TMEM164: variants seen among roughly 807,000 people sequenced by gnomAD.
TMEM164 encodes the protein RP13-360B22.2.
TMEM164 carries 4 observed loss-of-function variants against 18.8 expected under a neutral mutation model. That is an observed-to-expected ratio of 0.21 (90% confidence interval 0.10 to 0.49). The LOEUF is 0.49. Ranked by LOEUF, TMEM164 falls within the 20% of genes least tolerant of loss-of-function variation. TMEM164 has a pLI of 0.98. For missense variants in TMEM164, 108 were observed against 239.9 expected, an observed-to-expected ratio of 0.45 and a Z score of 3.63; for synonymous variants, 86 against 101.7, an observed-to-expected ratio of 0.85 and a Z score of 0.93.
intron 2 of TMEM164, among the ~76,000 whole-genome samples, chrX:110,040,995 A>T (rs1404694799): frequency 8.9e-6 from 1 of 112,072 alleles, no homozygotes; most frequent in Non-Finnish European, 1.9e-5. Context: ...CTCATAAATA[A>T]GTAACAAACA....
intron 2 of TMEM164, among the ~76,000 whole-genome samples, chrX:110,034,602 G>T (rs1934682070): frequency 9.0e-6 from 1 of 111,652 alleles, no homozygotes; most frequent in Non-Finnish European, 1.9e-5. Flanking sequence ...GCGGGTTATT[G>T]TTTGCTGAAC....
At chrX:110,179,540 C>G (rs1382317477), downstream of TMEM164, among the ~76,000 whole-genome samples, 1 of 112,323 alleles carries the variant, frequency 8.9e-6, no homozygotes, top group African/African-American at 3.2e-5. Flanking sequence ...CGCCATTTCC[C>G]AGGTCCTTGC....
At chrX:110,089,720 T>TA (rs780799908) in intron 3 of TMEM164, among the ~76,000 whole-genome samples, 1 of 112,036 alleles carries the variant, frequency 8.9e-6, no homozygotes, top group Non-Finnish European at 1.9e-5. Context: ...ACAGTGGAAT[T>TA]AGAGTTATAG....
At chrX:110,094,776 A>G (rs1409705346) in intron 3 of TMEM164, among the ~76,000 whole-genome samples, 1 of 112,071 alleles carries the variant, frequency 8.9e-6, no homozygotes, top group African/African-American at 3.2e-5. Context: ...CCTAGCATCA[A>G]AGGTCTTTAC....
rs1274463791 is a variant in TMEM164 at position 110,173,863 on chromosome X, C to T, written c.*412C>T. Reference sequence around the variant, plus strand: ...GTTTCATTTCTCCACTGCCAGGGACCTCCAGGCTTATGCTGGCGTCCCATT... The same window carrying T: ...GTTTCATTTCTCCACTGCCAGGGACTTCCAGGCTTATGCTGGCGTCCCATT... On this transcript the variant is annotated 3_prime_UTR_variant, in exon 7 of 7. Coordinates refer to ENST00000372068, the MANE Select transcript of TMEM164 (RefSeq NM_032227.4). The T allele has an allele frequency of 6.6e-6, 1 of 151,005 alleles. No homozygotes were observed. The highest frequency in any genetic ancestry group is 7.8e-5 in the Admixed American group (1 of 12,762). 12.4% of individuals were successfully genotyped at this position (151,005 alleles called of 1,213,427 possible).
chrX:110,073,783 G>A (rs1286219393), intron 3 of TMEM164, among the ~76,000 whole-genome samples: 1 of 111,753 alleles, frequency 8.9e-6, no homozygotes, highest in Middle Eastern at 4.2e-3. Context: ...CAGTATATAT[G>A]CATTCCTTTT....
intron 3 of TMEM164, among the ~76,000 whole-genome samples, chrX:110,072,393 C>T (rs988097559): frequency 9.1e-6 from 1 of 110,166 alleles, no homozygotes; most frequent in African/African-American, 3.3e-5. Context: ...ATGGGTAAAC[C>T]CTTAATCACC....
rs1556007244 is a variant in TMEM164 at position 110,108,125 on chromosome X, T to TGA, written c.441-954_441-953dup. On this transcript the variant is annotated intron_variant, in intron 3 of 6. Transcript: ENST00000372068. ...GTGTGTGTGTGTGTGTGTGTGTGTG[T>TGA]GATTGAGATTGACATCAACCCCCAT... is the stretch of plus-strand genomic sequence containing the variant. 1.2e-3 allele frequency among the ~76,000 whole-genome samples: 119 copies of TGA among 102,821 alleles called. 1 individual carries two copies. Among genetic ancestry groups the TGA allele is most frequent in the African/African-American group, 3.5e-3 (94 of 26,743 alleles). The allele number at this position is 102,821 out of a possible 115,157, so 89.3% of individuals were successfully genotyped here. A position where few individuals can be genotyped will look rare whatever the true frequency, so the allele number is the denominator to read the frequency against.
chrX:110,088,766 C>T (rs1178525618), intron 3 of TMEM164, among the ~76,000 whole-genome samples: 1 of 112,255 alleles, frequency 8.9e-6, no homozygotes, highest in Non-Finnish European at 1.9e-5. Context: ...CTCCAAGTCT[C>T]CCAGAAGTTC....
chrX:110,180,521 G>A (rs1012768636), downstream of TMEM164, among the ~76,000 whole-genome samples: 7 of 97,471 alleles, frequency 7.2e-5, no homozygotes, highest in African/African-American at 2.9e-4. Flanking sequence ...ACTCTGCCTC[G>A]CATCTGAATT....
intron 4 of TMEM164, among the ~76,000 whole-genome samples, chrX:110,117,906 C>T (rs954127527): frequency 9.0e-6 from 1 of 111,485 alleles, no homozygotes; most frequent in Admixed American, 9.5e-5. Context: ...CTACAAATAC[C>T]ACTCCAGTAT....
intron 4 of TMEM164, among the ~76,000 whole-genome samples, chrX:110,113,069 C>T (rs1482615142): frequency 2.7e-5 from 3 of 111,241 alleles, no homozygotes; most frequent in Non-Finnish European, 3.8e-5. Context: ...CTTCCTTTTC[C>T]GCCATCTCAT....
chrX:110,089,718 ATTAGAG>A (rs1005662666), intron 3 of TMEM164, among the ~76,000 whole-genome samples: 22 of 112,058 alleles, frequency 2.0e-4, no homozygotes, highest in African/African-American at 7.1e-4. Context: ...GTACAGTGGA[ATTAGAG>A]TTATAGTTGC....
chrX:110,144,528 C>A (rs1019770987), intron 4 of TMEM164, among the ~76,000 whole-genome samples: 1 of 111,794 alleles, frequency 8.9e-6, no homozygotes, highest in African/African-American at 3.3e-5. Context: ...ATATTATATA[C>A]TACATCTCCT....
At chrX:110,117,543 T>C (rs1372604415) in intron 4 of TMEM164, among the ~76,000 whole-genome samples, 16 of 112,238 alleles carry the variant, frequency 1.4e-4, no homozygotes, top group Non-Finnish European at 3.8e-5. Flanking sequence ...GACTTGATCA[T>C]TGCACATTCT....
rs1555991740 is a variant in TMEM164, at chrX:110,051,593, A to AAAAAG, written c.391-15751_391-15750insAGAAA. 2.8e-3 allele frequency among the ~76,000 whole-genome samples: 285 copies of AAAAAG among 102,982 alleles called. 2 individuals carry two copies. The highest frequency in any genetic ancestry group is 0.015 in the Middle Eastern group (3 of 195). 89.4% of individuals were successfully genotyped at this position (102,982 alleles called of 115,157 possible). A position where few individuals can be genotyped will look rare whatever the true frequency, so the allele number is the denominator to read the frequency against. ...GAGGTAACTTTCTTTCAAAAAAAAA[A>AAAAAG]AAAGAAAGAAAGAAAGAAAGAAAGA... On this transcript the variant is annotated intron_variant, in intron 2 of 6. Coordinates refer to ENST00000372068, the MANE Select transcript of TMEM164 (RefSeq NM_032227.4).
At chrX:110,155,143 A>C (rs932076733) in intron 5 of TMEM164, among the ~76,000 whole-genome samples, 1 of 111,422 alleles carries the variant, frequency 9.0e-6, no homozygotes, top group Non-Finnish European at 1.9e-5. Flanking sequence ...CCTTGCATGA[A>C]CTGAGAGCAT....
Position 110,173,493 on chromosome X carries a change from T to C in TMEM164, c.*42T>C, listed in dbSNP as rs1461343157. 1.8e-6 allele frequency: 2 copies of C among 1,111,435 alleles called. No individual in the cohort carries two copies. The highest frequency in any genetic ancestry group is 6.0e-5 in the East Asian group (2 of 33,399). 91.6% of individuals were successfully genotyped at this position (1,111,435 alleles called of 1,213,427 possible). On this transcript the variant is annotated 3_prime_UTR_variant, in exon 7 of 7. Coordinates refer to ENST00000372068, the MANE Select transcript of TMEM164 (RefSeq NM_032227.4). The stretch of plus-strand genomic sequence containing the variant: ...TTTTTTTCCTCCCTGAGGAAGCAAG[T>C]CGTGACTTGACTTGGAGAACACCCA...
At chrX:110,116,872 GT>G (rs1490273605) in intron 4 of TMEM164, among the ~76,000 whole-genome samples, 2 of 103,439 alleles carry the variant, frequency 1.9e-5, no homozygotes, top group African/African-American at 7.3e-5. Context: ...GTGTGTGTGT[GT>G]GTGGTGTGTG....
Sources: allele counts gnomAD v4.1 joint callset (sites outside exome capture counted in the v4.1 genomes callset), GRCh38; gene constraint gnomAD v4.1.1; transcripts MANE v1.5; gene names NCBI Gene and HGNC (gene_info 2026-07-23, HGNC 2026-07-21).